Variants in ERI1 observed in about 807,000 individuals in gnomAD.
ERI1 encodes the protein exoribonuclease 1, also known as 3'-5' exoribonuclease 1.
In ERI1, 39 loss-of-function variants were observed where a neutral mutation model predicts 39.7. That is an observed-to-expected ratio of 0.98 (90% confidence interval 0.76 to 1.28). The LOEUF is 1.28. ERI1 is among the 50% of genes most tolerant of loss of function. The pLI, the probability that ERI1 is intolerant of heterozygous loss-of-function variation, is 0.00. For synonymous variants in ERI1, 204 were observed against 149.6 expected (o/e 1.36, Z -2.65); for missense variants, 581 against 416.9 (o/e 1.39, Z -3.43).
At chr8:9,004,505 TTTTTTTA>T (rs1815751330) in intron 1 of ERI1, among the ~76,000 whole-genome samples, 1 of 146,808 alleles carries the variant, frequency 6.8e-6, no homozygotes, top group African/African-American at 2.5e-5. Flanking sequence ...TTTTTTTTTT[TTTTTTTA>T]CAAAAAGCCG....
intron 3 of ERI1, among the ~76,000 whole-genome samples, chr8:9,096,015 A>G (rs1014844331): frequency 6.6e-6 from 1 of 152,160 alleles, no homozygotes; most frequent in Non-Finnish European, 1.5e-5. Context: ...TGAGGATCAA[A>G]TGAGATAATG....
chr8:9,091,193 C>T (rs1799691404), intron 3 of ERI1: 1 of 152,164 alleles, frequency 6.6e-6, no homozygotes, highest in African/African-American at 2.4e-5. Flanking sequence ...GACTTAATCA[C>T]CACATGCAAG....
At chr8:9,033,341 A>T (rs971088783), downstream of ERI1, 1 of 152,222 alleles carries the variant, frequency 6.6e-6, no homozygotes, top group Non-Finnish European at 1.5e-5. Context: ...GGAAAGAACT[A>T]CCATTCTCAT....
Position 9,008,015 on chromosome 8 carries a change from A to C in ERI1, c.154A>C (p.Lys52Gln). 1 of 1,585,190 alleles carries C rather than the reference A, an allele frequency of 6.3e-7. No individual in the cohort carries two copies. The highest frequency in any genetic ancestry group is 8.5e-7 in the Non-Finnish European group (1 of 1,171,378). ...TGATGGCCAGGAGACAAAAGGATCC[A>C]AGTTCATTACCTCCAGTGCGAGTGA... Reference protein sequence around the residue: ...KFDGQETKGSKFITSSASDFS... With the variant: ...KFDGQETKGSQFITSSASDFS... The change falls in exon 2 of 7, where the codon AAG (lysine) becomes CAG (glutamine). Residue 52 changes from lysine (K) to glutamine (Q), a missense_variant. Transcript: ENST00000250263.
At chr8:9,004,780 C>T (rs962780283) in intron 1 of ERI1, among the ~76,000 whole-genome samples, 2 of 150,014 alleles carry the variant, frequency 1.3e-5, no homozygotes, top group Non-Finnish European at 3.0e-5. Flanking sequence ...TCCCGCCTCC[C>T]GGATTCAAGT....
chr8:9,017,483 GTA>G (rs1817428744), intron 4 of ERI1, among the ~76,000 whole-genome samples: 1 of 152,116 alleles, frequency 6.6e-6, no homozygotes, highest in Non-Finnish European at 1.5e-5. Context: ...ATCTTTATGT[GTA>G]TATAGACGTA....
At chr8:9,063,080 G>A (rs1798758491) in intron 3 of ERI1, among the ~76,000 whole-genome samples, 1 of 152,162 alleles carries the variant, frequency 6.6e-6, no homozygotes, top group Non-Finnish European at 1.5e-5. Flanking sequence ...TTGAAGGCCA[G>A]GTTAATTAAG....
At chr8:9,069,418 A>G (rs955320053) in intron 3 of ERI1, among the ~76,000 whole-genome samples, 13 of 152,234 alleles carry the variant, frequency 8.5e-5, no homozygotes, top group Admixed American at 7.9e-4. Context: ...GTAACATTCC[A>G]TTATGTCAGT....
chr8:9,005,800 A>T (rs751668105), intron 1 of ERI1, among the ~76,000 whole-genome samples: 14 of 152,194 alleles, frequency 9.2e-5, no homozygotes, highest in Non-Finnish European at 1.6e-4. Context: ...GGCCTCAACG[A>T]CAGTTTTAAA....
At chr8:9,009,885 A>G (rs1354215838) in intron 2 of ERI1, among the ~76,000 whole-genome samples, 2 of 152,232 alleles carry the variant, frequency 1.3e-5, no homozygotes, top group Non-Finnish European at 2.9e-5. Flanking sequence ...CCTCAGGAAC[A>G]TGTGACAATG....
At chr8:9,095,712 G>T (rs1364434443) in intron 3 of ERI1, among the ~76,000 whole-genome samples, 1 of 152,082 alleles carries the variant, frequency 6.6e-6, no homozygotes, top group Non-Finnish European at 1.5e-5. Flanking sequence ...GTAGAAATGG[G>T]GTTTCACCAT....
intron 1 of ERI1, among the ~76,000 whole-genome samples, chr8:9,004,624 A>T (rs1815772277): frequency 6.7e-6 from 1 of 150,224 alleles, no homozygotes; most frequent in Non-Finnish European, 1.5e-5. Flanking sequence ...TGATCGTGCC[A>T]CTGCACTCCA....
At chr8:9,061,069 C>T (rs1169613117) in intron 3 of ERI1, among the ~76,000 whole-genome samples, 5 of 152,102 alleles carry the variant, frequency 3.3e-5, no homozygotes, top group East Asian at 1.9e-4. Flanking sequence ...GCAACTAATT[C>T]GGTTTGTTCA....
intron 3 of ERI1, chr8:9,049,738 C>G (rs990249623): frequency 4.6e-5 from 7 of 152,108 alleles, no homozygotes; most frequent in African/African-American, 1.7e-4. Context: ...TCCTCCTGTG[C>G]CTCCCACAAC....
At chr8:9,084,760 C>A (rs1222924744) in intron 3 of ERI1, among the ~76,000 whole-genome samples, 1 of 152,160 alleles carries the variant, frequency 6.6e-6, no homozygotes, top group Non-Finnish European at 1.5e-5. Flanking sequence ...TTCCTTTACA[C>A]ACTAGCTAGA....
At chr8:9,068,358 A>G (rs1798946859) in intron 3 of ERI1, among the ~76,000 whole-genome samples, 1 of 152,054 alleles carries the variant, frequency 6.6e-6, no homozygotes, top group Non-Finnish European at 1.5e-5. Context: ...CTTTTTGGAG[A>G]CAGAGTCTCA....
At chr8:9,049,234 A>T (rs1798274778) in intron 3 of ERI1, among the ~76,000 whole-genome samples, 1 of 148,518 alleles carries the variant, frequency 6.7e-6, no homozygotes, top group African/African-American at 2.5e-5. Context: ...TACTCAGGAG[A>T]CTGAGGCAGG....
At position 9,045,261 on chromosome 8, in the gene ERI1, G is replaced by T. The variant is rs549005784; in HGVS notation, n.299+24797G>T. ...AAAAAAAAAAAAAAAAAAAAAAGTA[G>T]TAATATTACGTTCAGCCCTAAGCTG... On this transcript the variant is annotated intron_variant and non_coding_transcript_variant, in intron 3 of 3. Coordinates refer to the ERI1 transcript ENST00000518663. Among the ~76,000 whole-genome samples the T allele has an allele frequency of 2.1e-5, 3 of 144,534 alleles. No individual in the cohort carries two copies. In the Admixed American group the frequency reaches 2.1e-4, roughly 10 times the overall value. The allele number at this position is 144,534 out of a possible 152,430, so 94.8% of individuals were successfully genotyped here. A position where few individuals can be genotyped will look rare whatever the true frequency, so the allele number is the denominator to read the frequency against.
At chr8:9,041,652 A>ATTTCTATT (rs1585253251) in intron 3 of ERI1, among the ~76,000 whole-genome samples, 2 of 152,224 alleles carry the variant, frequency 1.3e-5, no homozygotes, top group East Asian at 3.8e-4. Flanking sequence ...ATAGAAACAC[A>ATTTCTATT]GTGTACCAAA....
Sources: gnomAD v4.1 joint callset for allele counts (sites outside exome capture counted in the v4.1 genomes callset) on GRCh38, gnomAD v4.1.1 for gene constraint, MANE v1.5 for transcripts, NCBI Gene and HGNC (gene_info 2026-07-23, HGNC 2026-07-21) for gene names.